Variants in LAMC3 observed in about 807,000 individuals in gnomAD.
LAMC3 encodes laminin subunit gamma 3.
A neutral mutation model predicts 173.8 loss-of-function variants in LAMC3; 128 were observed. The ratio of observed to expected loss-of-function variants is 0.74; its 90% CI spans 0.64 to 0.85. The LOEUF is 0.85. LAMC3 is among the 40% of genes least tolerant of loss of function. The pLI is 0.00. For missense variants in LAMC3, 2,022 were observed against 2,156.0 expected (o/e 0.94, Z 1.23); for synonymous variants, 897 against 909.1 (o/e 0.99, Z 0.24).
rs752931 is a variant in LAMC3 at position 131,093,079 on chromosome 9, C to G, written c.*1292C>G. 30,414 of 152,312 alleles carry G rather than the reference C, an allele frequency of 0.2. 3,363 individuals are homozygous for G. The highest frequency in any genetic ancestry group is 0.26 in the Admixed American group (3,961 of 15,292). 9.4% of individuals were successfully genotyped at this position (152,312 alleles called of 1,614,324 possible). ...ACTGGGCAGGGTGGTGTGCCTCACCCTCCCCGGCTGGTGGGCAGCCAGGGC... is the reference window on the plus strand; with the variant it reads ...ACTGGGCAGGGTGGTGTGCCTCACCGTCCCCGGCTGGTGGGCAGCCAGGGC... On this transcript the variant is annotated 3_prime_UTR_variant, in exon 28 of 28. Coordinates refer to ENST00000361069, the MANE Select transcript of LAMC3 (RefSeq NM_006059.4).
intron 7 of LAMC3, among the ~76,000 whole-genome samples, chr9:131,044,118 C>T (rs1279797023): frequency 1.3e-5 from 2 of 151,934 alleles, no homozygotes; most frequent in Non-Finnish European, 2.9e-5. Context: ...ACCACCACGC[C>T]TGGCTAATTT....
At chr9:131,037,976 C>T (rs971381679) in intron 4 of LAMC3, among the ~76,000 whole-genome samples, 1 of 152,254 alleles carries the variant, frequency 6.6e-6, no homozygotes, top group South Asian at 2.1e-4. Context: ...CAAAGTCCTT[C>T]CTTCCCTGCC....
At chr9:131,018,723 C>T (rs924242141) in intron 1 of LAMC3, among the ~76,000 whole-genome samples, 8 of 152,168 alleles carry the variant, frequency 5.3e-5, no homozygotes, top group African/African-American at 1.4e-4. Context: ...TCATCCCACC[C>T]GCTTACTGGA....
At chr9:131,086,371 C>T (rs1199556408) in intron 25 of LAMC3, among the ~76,000 whole-genome samples, 1 of 147,436 alleles carries the variant, frequency 6.8e-6, no homozygotes, top group Non-Finnish European at 1.5e-5. Context: ...AGCCACTGCA[C>T]CCAGCTTAAG....
intron 24 of LAMC3, among the ~76,000 whole-genome samples, chr9:131,084,514 C>T (rs1830295935): frequency 6.6e-6 from 1 of 152,132 alleles, no homozygotes. Flanking sequence ...CTAAATTTCC[C>T]TTAGAATTTT....
Position 131,091,943 on chromosome 9 carries a change from CTG to C in LAMC3, c.*159_*160del. 2.3e-6 allele frequency: 2 copies of C among 876,028 alleles called. No individual in the cohort carries two copies. Among genetic ancestry groups the C allele is most frequent in the Admixed American group, 4.6e-5 (2 of 43,702 alleles). The allele number at this position is 876,028 out of a possible 1,614,324, so 54.3% of individuals were successfully genotyped here. On this transcript the variant is annotated 3_prime_UTR_variant, in exon 28 of 28. Transcript: ENST00000361069. ...GATAGTCACTCCCTGCCGATTCTGT[CTG>C]TGGCTTCTTCCCTGCCAGCAGGACT... is the stretch of plus-strand genomic sequence containing the variant.
rs747471022 is a variant in LAMC3, at chr9:131,029,099, G to A, written c.678+2510G>A. ...GCCCCCACCGCAAATCACATCATCC[G>A]CATAGACTACCTAGTGTGGCCCAAG... On this transcript the variant is annotated intron_variant, in intron 2 of 27. Transcript: ENST00000361069. The surrounding 1 kb of genome is among the most constrained non-coding windows in gnomAD (Gnocchi z 4.6). Among the ~76,000 whole-genome samples, 4 of 152,276 alleles carry A rather than the reference G, an allele frequency of 2.6e-5. No individual in the cohort carries two copies. Among genetic ancestry groups the A allele is most frequent in the South Asian group, 2.1e-4 (1 of 4,826 alleles).
rs769778662 is a variant in LAMC3 at position 131,067,000 on chromosome 9, C to A, written c.2388C>A (p.Asp796Glu). ...CEVCDDGFFG[D>E]PLGLFGHPQP... ...TCTGTGATGATGGCTTTTTTGGGGA[C>A]CCGCTGGGGCTCTTTGGGCACCCCC... Residue 796 changes from aspartate (D) to glutamate (E), a missense_variant, in exon 14 of 28, where the codon GAC becomes GAA. Physicochemically the swap from Asp to Glu is conservative, Grantham distance 45. Coordinates refer to ENST00000361069, the MANE Select transcript of LAMC3 (RefSeq NM_006059.4). 11 of 1,613,882 alleles carry A rather than the reference C, an allele frequency of 6.8e-6. No homozygotes were observed. Among genetic ancestry groups the A allele is most frequent in the South Asian group, 5.5e-5 (5 of 91,088 alleles).
chr9:131,051,265 T>C (rs1834282190), intron 9 of LAMC3, among the ~76,000 whole-genome samples: 1 of 152,136 alleles, frequency 6.6e-6, no homozygotes, highest in African/African-American at 2.4e-5. Context: ...TTATTTGTCA[T>C]GGTGTTTTTT....
At chr9:131,076,041 T>C in intron 21 of LAMC3, 76 bp downstream of exon 21, 1 of 1,424,838 alleles carries the variant, frequency 7.0e-7, no homozygotes, top group East Asian at 2.4e-5. Context: ...CAAAGGCTGC[T>C]GGTTCCAGAG....
At chr9:131,046,808 C>T (rs2133270288) in intron 8 of LAMC3, among the ~76,000 whole-genome samples, 1 of 152,168 alleles carries the variant, frequency 6.6e-6, no homozygotes, top group Admixed American at 6.5e-5. Flanking sequence ...CGGAGCGCCC[C>T]GCACCTTCCG....
At chr9:131,036,449 T>A in intron 4 of LAMC3, 117 bp downstream of exon 4, 1 of 1,138,722 alleles carries the variant, frequency 8.8e-7, no homozygotes, top group Non-Finnish European at 1.3e-6. Flanking sequence ...CGGGGGCAGC[T>A]CGGGGTCTCT....
At chr9:131,087,177 C>T (rs192472194) in intron 25 of LAMC3, among the ~76,000 whole-genome samples, 165 of 152,364 alleles carry the variant, frequency 1.1e-3, no homozygotes, top group African/African-American at 3.6e-3. Context: ...TAGGGGTCCC[C>T]GGGCTTGATC....
intron 3 of LAMC3, among the ~76,000 whole-genome samples, chr9:131,032,550 C>CTCTCTCGCTCTCTCTCTTGCTG (rs1299409377): frequency 1.6e-5 from 2 of 125,966 alleles, no homozygotes; most frequent in Non-Finnish European, 3.0e-5. Flanking sequence ...CTCTCTTGCT[C>CTCTCTCGCTCTCTCTCTTGCTG]TCTCTCGCTC....
At chr9:131,056,516 C>T (rs1258476666) in intron 11 of LAMC3, among the ~76,000 whole-genome samples, 1 of 133,496 alleles carries the variant, frequency 7.5e-6, no homozygotes, top group African/African-American at 2.8e-5. Flanking sequence ...TAAAAATCAA[C>T]CAGCGCAGTG....
At chr9:131,085,837 T>C in intron 25 of LAMC3, 114 bp downstream of exon 25, 1 of 1,015,486 alleles carries the variant, frequency 9.8e-7, no homozygotes, top group Non-Finnish European at 1.5e-6. Flanking sequence ...CACTGCTCAG[T>C]GGGCCCAGGC....
intron 11 of LAMC3, among the ~76,000 whole-genome samples, chr9:131,054,728 G>A (rs940249547): frequency 5.3e-5 from 8 of 150,534 alleles, no homozygotes; most frequent in African/African-American, 2.0e-4. Context: ...CTGGGTAGCA[G>A]AGCCAGACCT....
Position 131,041,723 on chromosome 9 carries a change from A to G in LAMC3, c.1370A>G (p.Asn457Ser). Reference sequence around the variant, plus strand: ...CCCTGCAAAGAGAATGTGGAAGGCAACCTATGTGACAGGTTTGTGAGCTAA... The same window carrying G: ...CCCTGCAAAGAGAATGTGGAAGGCAGCCTATGTGACAGGTTTGTGAGCTAA... ...RCPCKENVEGNLCDRCRPGTF... is the reference protein window; with the variant it reads ...RCPCKENVEGSLCDRCRPGTF... Residue 457 changes from asparagine to serine, a missense_variant, in exon 7 of 28, where the codon AAC becomes AGC. Physicochemically the swap from Asn to Ser is conservative, Grantham distance 46 (BLOSUM62 1). Coordinates refer to ENST00000361069, the MANE Select transcript of LAMC3 (RefSeq NM_006059.4). The G allele has an allele frequency of 6.2e-7, 1 of 1,613,568 alleles. No homozygotes were observed. Among genetic ancestry groups the G allele is most frequent in the Non-Finnish European group, 8.5e-7 (1 of 1,179,964 alleles).
chr9:131,080,565 G>A (rs1830220268), intron 23 of LAMC3, among the ~76,000 whole-genome samples: 1 of 152,094 alleles, frequency 6.6e-6, no homozygotes, highest in South Asian at 2.1e-4. Flanking sequence ...TTACAGGCAC[G>A]AGCCATCACA....
Sources: allele counts gnomAD v4.1 joint callset (sites outside exome capture counted in the v4.1 genomes callset), GRCh38; gene constraint gnomAD v4.1.1; non-coding constraint Gnocchi (gnomAD v3.1); transcripts MANE v1.5; gene names NCBI Gene and HGNC (gene_info 2026-07-23, HGNC 2026-07-21).